Variants in CNTNAP5 observed in about 807,000 individuals in gnomAD.
CNTNAP5 encodes the protein contactin-associated protein-like 5.
A neutral mutation model predicts 150.2 loss-of-function variants in CNTNAP5; 72 were observed. The observed-to-expected ratio is 0.48, with a 90% CI of 0.40 to 0.58. CNTNAP5 has a LOEUF of 0.58. Ranked by LOEUF, CNTNAP5 falls within the 20% of genes least tolerant of loss-of-function variation. The probability of loss-of-function intolerance (pLI) is 0.00; values close to 1 mark genes in which losing one functional copy is unlikely to be tolerated. For missense variants in CNTNAP5, 1,636 were observed against 1,626.2 expected, an observed-to-expected ratio of 1.01 and a Z score of -0.10; for synonymous variants, 672 against 619.8, an observed-to-expected ratio of 1.08 and a Z score of -1.25.
At chr2:124,746,295 T>C (rs1472162999) in intron 13 of CNTNAP5, among the ~76,000 whole-genome samples, 3 of 152,132 alleles carry the variant, frequency 2.0e-5, no homozygotes, top group Non-Finnish European at 2.9e-5. Context: ...TCTAAGCTAC[T>C]GAAATATTCT....
At chr2:124,592,229 C>G (rs974777357) in intron 11 of CNTNAP5, among the ~76,000 whole-genome samples, 4 of 151,962 alleles carry the variant, frequency 2.6e-5, no homozygotes, top group African/African-American at 2.4e-5. Flanking sequence ...TTTCTTGGAG[C>G]AGATCACTAG....
intron 11 of CNTNAP5, among the ~76,000 whole-genome samples, chr2:124,569,489 A>C (rs1245429367): frequency 3.3e-5 from 5 of 152,212 alleles, no homozygotes; most frequent in African/African-American, 9.7e-5. Flanking sequence ...TCATTCAACA[A>C]GTACTTTTTG....
At chr2:124,411,529 C>A (rs1465536677) in intron 3 of CNTNAP5, among the ~76,000 whole-genome samples, 1 of 147,102 alleles carries the variant, frequency 6.8e-6, no homozygotes, top group East Asian at 1.9e-4. Flanking sequence ...GCTTATCCAC[C>A]ATGATCAAGT....
intron 3 of CNTNAP5, among the ~76,000 whole-genome samples, chr2:124,249,122 T>C (rs2104777121): frequency 6.6e-6 from 1 of 152,290 alleles, no homozygotes; most frequent in South Asian, 2.1e-4. Flanking sequence ...TGTGGAGTCA[T>C]GCCCTACAAA....
intron 1 of CNTNAP5, among the ~76,000 whole-genome samples, chr2:124,072,000 G>T (rs962355263): frequency 6.6e-6 from 1 of 151,830 alleles, no homozygotes; most frequent in Non-Finnish European, 1.5e-5. Flanking sequence ...CTAGCAAACC[G>T]AATTCCACAA....
At chr2:124,661,166 A>G (rs1357553782) in intron 13 of CNTNAP5, among the ~76,000 whole-genome samples, 1 of 152,024 alleles carries the variant, frequency 6.6e-6, no homozygotes, top group Non-Finnish European at 1.5e-5. Context: ...TTTTTTCTTC[A>G]ATAACAAATT....
chr2:124,291,562 GTA>G (rs1688294195), intron 3 of CNTNAP5, among the ~76,000 whole-genome samples: 1 of 150,634 alleles, frequency 6.6e-6, no homozygotes, highest in Non-Finnish European at 1.5e-5. Context: ...TTTTATATGC[GTA>G]GACCTATGAT....
chr2:124,158,896 G>A (rs1684609554), intron 1 of CNTNAP5, among the ~76,000 whole-genome samples: 1 of 152,154 alleles, frequency 6.6e-6, no homozygotes, highest in South Asian at 2.1e-4. Context: ...GGTGGCCAGT[G>A]GAGTGCTTCA....
Position 124,081,800 on chromosome 2 carries a change from G to A in CNTNAP5, c.82+56068G>A, listed in dbSNP as rs190084961. Among the ~76,000 whole-genome samples the A allele has an allele frequency of 5.0e-3, 766 of 152,206 alleles. 3 individuals carry two copies. Among genetic ancestry groups the A allele is most frequent in the Non-Finnish European group, 7.9e-3 (539 of 68,016 alleles). Reference sequence around the variant, plus strand: ...TTGAGATAGTTGTAGATTCACACGCGGTTGTAAGAAATAGTGAGAGATCCT... The same window carrying A: ...TTGAGATAGTTGTAGATTCACACGCAGTTGTAAGAAATAGTGAGAGATCCT... On this transcript the variant is annotated intron_variant, in intron 1 of 23. Coordinates refer to ENST00000682447, the MANE Select transcript of CNTNAP5 (RefSeq NM_001367498.1).
intron 12 of CNTNAP5, among the ~76,000 whole-genome samples, chr2:124,636,894 A>G (rs11680322): frequency 1.3e-5 from 1 of 75,812 alleles, no homozygotes; most frequent in East Asian, 2.8e-4. Context: ...TGCCCTCCTC[A>G]TCTCTTTCTC....
intron 3 of CNTNAP5, among the ~76,000 whole-genome samples, chr2:124,396,286 G>A (rs1358474862): frequency 1.3e-5 from 2 of 152,214 alleles, no homozygotes; most frequent in Non-Finnish European, 1.5e-5. Context: ...CAGGGCCTGA[G>A]TGTTCCTTAA....
chr2:124,766,926 A>G (rs375372276), intron 16 of CNTNAP5, among the ~76,000 whole-genome samples: 1 of 152,178 alleles, frequency 6.6e-6, no homozygotes, highest in Non-Finnish European at 1.5e-5. Flanking sequence ...ACTCTCCAAG[A>G]CAAGATTTTA....
At chr2:124,325,568 A>G (rs1041081631) in intron 3 of CNTNAP5, among the ~76,000 whole-genome samples, 1 of 152,192 alleles carries the variant, frequency 6.6e-6, no homozygotes, top group African/African-American at 2.4e-5. Flanking sequence ...ATAAACTGGT[A>G]GAAAGGCATT....
intron 19 of CNTNAP5, among the ~76,000 whole-genome samples, chr2:124,842,240 T>C (rs982190747): frequency 1.3e-5 from 2 of 152,096 alleles, no homozygotes; most frequent in African/African-American, 4.8e-5. Flanking sequence ...GAAAAACAGA[T>C]CTTTAGTAGC....
chr2:124,790,571 G>A (rs1353824230), intron 18 of CNTNAP5, among the ~76,000 whole-genome samples: 4 of 152,302 alleles, frequency 2.6e-5, no homozygotes, highest in African/African-American at 9.6e-5. Context: ...GAGAATATCA[G>A]TAAATTAGTA....
Position 124,027,664 on chromosome 2 carries a change from A to G in CNTNAP5, c.82+1932A>G, listed in dbSNP as rs1338369815. Among the ~76,000 whole-genome samples the G allele has an allele frequency of 3.9e-5, 6 of 152,236 alleles. 1 individual carries two copies. The highest frequency in any genetic ancestry group is 2.0e-4 in the Admixed American group (3 of 15,286). ...GATGTAGTAATAAAGCTAATTCTGA[A>G]CATTTAAAATGAAACTTTGTGATAA... On this transcript the variant is annotated intron_variant, in intron 1 of 23. Transcript: ENST00000682447.
At chr2:124,270,408 G>C (rs1687718035) in intron 3 of CNTNAP5, among the ~76,000 whole-genome samples, 1 of 152,160 alleles carries the variant, frequency 6.6e-6, no homozygotes, top group Non-Finnish European at 1.5e-5. Context: ...CATAGGCCCA[G>C]GTCCCAGCCA....
chr2:124,752,062 A>C (rs567700296), intron 14 of CNTNAP5, among the ~76,000 whole-genome samples: 1 of 152,194 alleles, frequency 6.6e-6, no homozygotes, highest in African/African-American at 2.4e-5. Flanking sequence ...CTAATGTTGG[A>C]GTTTTGAATA....
intron 14 of CNTNAP5, among the ~76,000 whole-genome samples, chr2:124,753,958 C>G (rs1399053433): frequency 4.6e-5 from 7 of 152,182 alleles, no homozygotes. Context: ...GAATGCATGT[C>G]TAATCCAGGC....
Sources: gnomAD v4.1 joint callset for allele counts (sites outside exome capture counted in the v4.1 genomes callset) on GRCh38, gnomAD v4.1.1 for gene constraint, MANE v1.5 for transcripts, NCBI Gene and HGNC (gene_info 2026-07-23, HGNC 2026-07-21) for gene names.